HS6ST3: variants seen among roughly 807,000 people sequenced by gnomAD.
HS6ST3 encodes the protein heparan-sulfate 6-O-sulfotransferase 3.
In HS6ST3, 12 loss-of-function variants were observed where a neutral mutation model predicts 36.7. That is an observed-to-expected ratio of 0.33 (90% CI 0.21 to 0.53). HS6ST3 has a LOEUF of 0.53. Ranked by LOEUF, HS6ST3 falls within the 20% of genes least tolerant of loss-of-function variation. The probability of loss-of-function intolerance (pLI) is 0.95; values close to 1 mark genes in which losing one functional copy is unlikely to be tolerated. For synonymous variants in HS6ST3, 240 were observed against 257.5 expected (o/e 0.93, Z 0.65); for missense variants, 584 against 640.9 (o/e 0.91, Z 0.96).
intron 1 of HS6ST3, among the ~76,000 whole-genome samples, chr13:96,632,084 G>C (rs1372587485): frequency 6.6e-6 from 1 of 152,160 alleles, no homozygotes; most frequent in African/African-American, 2.4e-5. Flanking sequence ...GGCCATGAGA[G>C]CTCCACCCTC....
intron 1 of HS6ST3, among the ~76,000 whole-genome samples, chr13:96,418,215 A>G (rs2055544492): frequency 1.3e-5 from 2 of 152,244 alleles, no homozygotes; most frequent in Non-Finnish European, 2.9e-5. Flanking sequence ...TGTTTGCAGC[A>G]TGAGAACTGA....
chr13:96,775,741 G>A (rs1177667477), intron 1 of HS6ST3, among the ~76,000 whole-genome samples: 1 of 152,134 alleles, frequency 6.6e-6, no homozygotes, highest in African/African-American at 2.4e-5. Context: ...ATAATAGTGG[G>A]AGAACTTAAC....
At chr13:96,435,378 C>T (rs938581920) in intron 1 of HS6ST3, among the ~76,000 whole-genome samples, 1 of 151,916 alleles carries the variant, frequency 6.6e-6, no homozygotes, top group African/African-American at 2.4e-5. Flanking sequence ...TTTGACTGGA[C>T]TCTTCTCCAT....
chr13:96,612,137 A>G (rs1486722721), intron 1 of HS6ST3, among the ~76,000 whole-genome samples: 27 of 152,144 alleles, frequency 1.8e-4, no homozygotes, highest in Non-Finnish European at 2.9e-5. Context: ...AGAAATACTT[A>G]TTGGAAGATG....
chr13:96,299,949 A>C (rs1023702088), intron 1 of HS6ST3, among the ~76,000 whole-genome samples: 12 of 151,416 alleles, frequency 7.9e-5, no homozygotes, highest in African/African-American at 2.9e-4. Flanking sequence ...ATGGCTGGGG[A>C]GGCCTCAGAA....
chr13:96,656,694 G>A (rs188501097), intron 1 of HS6ST3, among the ~76,000 whole-genome samples: 1 of 152,068 alleles, frequency 6.6e-6, no homozygotes, highest in African/African-American at 2.4e-5. Flanking sequence ...GGAAGGAGTC[G>A]CAAAAACGAT....
intron 1 of HS6ST3, among the ~76,000 whole-genome samples, chr13:96,746,847 C>T (rs775129087): frequency 4.6e-5 from 7 of 151,960 alleles, no homozygotes; most frequent in Admixed American, 6.6e-5. Context: ...AAAAATCTAA[C>T]CTCATTGATA....
chr13:96,636,204 T>C (rs1296109675), intron 1 of HS6ST3, among the ~76,000 whole-genome samples: 3 of 152,134 alleles, frequency 2.0e-5, no homozygotes, highest in Non-Finnish European at 4.4e-5. Flanking sequence ...TGCTTCTGAC[T>C]GGCAAAACAC....
intron 1 of HS6ST3, among the ~76,000 whole-genome samples, chr13:96,137,074 T>A (rs1439247168): frequency 6.6e-6 from 1 of 152,116 alleles, no homozygotes; most frequent in Non-Finnish European, 1.5e-5. Flanking sequence ...CTCAAATATG[T>A]AGTATGTTTT....
At chr13:96,727,115 T>C (rs1342319990) in intron 1 of HS6ST3, among the ~76,000 whole-genome samples, 1 of 152,164 alleles carries the variant, frequency 6.6e-6, no homozygotes, top group Non-Finnish European at 1.5e-5. Context: ...TTTAATACTC[T>C]TTACTCAGCA....
At chr13:96,261,904 C>G (rs1343275306) in intron 1 of HS6ST3, among the ~76,000 whole-genome samples, 1 of 152,172 alleles carries the variant, frequency 6.6e-6, no homozygotes, top group African/African-American at 2.4e-5. Context: ...TTGGAATCTA[C>G]AAGAACACAG....
intron 1 of HS6ST3, among the ~76,000 whole-genome samples, chr13:96,126,867 C>G (rs1273518012): frequency 1.3e-5 from 2 of 152,140 alleles, no homozygotes; most frequent in African/African-American, 4.8e-5. Flanking sequence ...TTTCACCTCT[C>G]TCTTTAGTCT....
chr13:96,485,274 T>C (rs76032632), intron 1 of HS6ST3, among the ~76,000 whole-genome samples: 632 of 152,300 alleles, frequency 4.1e-3, no homozygotes, highest in Non-Finnish European at 7.5e-3. Context: ...ATAGGAGGTT[T>C]GTAGTCTTCC....
At chr13:96,623,032 T>C (rs543761244) in intron 1 of HS6ST3, among the ~76,000 whole-genome samples, 20 of 152,324 alleles carry the variant, frequency 1.3e-4, no homozygotes, top group Non-Finnish European at 2.5e-4. Flanking sequence ...ATCTCATAGT[T>C]CTATTATCTG....
chr13:96,562,568 ATAAT>A (rs769986423), intron 1 of HS6ST3, among the ~76,000 whole-genome samples: 1 of 152,312 alleles, frequency 6.6e-6, no homozygotes, highest in Middle Eastern at 3.4e-3. Flanking sequence ...AATATTAATA[ATAAT>A]TAATAATTTT....
At chr13:96,478,915 C>T (rs114778797) in intron 1 of HS6ST3, among the ~76,000 whole-genome samples, 1 of 152,220 alleles carries the variant, frequency 6.6e-6, no homozygotes, top group African/African-American at 2.4e-5. Flanking sequence ...TTCCTTCTGT[C>T]CTATACCTTT....
At chr13:96,233,414 T>C (rs1055300863) in intron 1 of HS6ST3, among the ~76,000 whole-genome samples, 8 of 152,308 alleles carry the variant, frequency 5.3e-5, no homozygotes, top group Middle Eastern at 3.4e-3. Flanking sequence ...TTGAAAGCAA[T>C]AGCCAGTGGA....
chr13:96,274,083 C>G (rs2054735679), intron 1 of HS6ST3, among the ~76,000 whole-genome samples: 2 of 149,948 alleles, frequency 1.3e-5, no homozygotes, highest in African/African-American at 4.9e-5. Context: ...TTGCTCTGTC[C>G]CCCAGGCTGT....
At chr13:96,716,830 A>G (rs932058811) in intron 1 of HS6ST3, among the ~76,000 whole-genome samples, 1 of 152,252 alleles carries the variant, frequency 6.6e-6, no homozygotes, top group Non-Finnish European at 1.5e-5. Context: ...GTGAAAAAGA[A>G]AACAAGAACA....
Sources: allele counts gnomAD v4.1 joint callset (sites outside exome capture counted in the v4.1 genomes callset), GRCh38; gene constraint gnomAD v4.1.1; transcripts MANE v1.5; gene names NCBI Gene and HGNC (gene_info 2026-07-23, HGNC 2026-07-21).